The following CTNNA3 variants were observed in gnomAD, a reference collection of about 807,000 sequenced individuals.
The protein encoded by CTNNA3 is catenin alpha-3.
In CTNNA3, 76 loss-of-function variants were observed where a neutral mutation model predicts 95.7. That is an observed-to-expected ratio of 0.79 (90% CI 0.66 to 0.96). The LOEUF is 0.96. CTNNA3 is among the 40% of genes least tolerant of loss of function. The probability of loss-of-function intolerance (pLI) is 0.00; values close to 1 mark genes in which losing one functional copy is unlikely to be tolerated. For synonymous variants in CTNNA3, 431 were observed against 374.4 expected, an observed-to-expected ratio of 1.15 and a Z score of -1.74; for missense variants, 1,191 against 1,089.8, an observed-to-expected ratio of 1.09 and a Z score of -1.31.
At chr10:66,980,072 T>C (rs545627514) in intron 7 of CTNNA3, among the ~76,000 whole-genome samples, 5 of 152,258 alleles carry the variant, frequency 3.3e-5, no homozygotes, top group Non-Finnish European at 7.4e-5. Context: ...AGAATGTACC[T>C]AATAACTTGT....
intron 14 of CTNNA3, among the ~76,000 whole-genome samples, chr10:66,091,195 A>G (rs1380429889): frequency 6.6e-6 from 1 of 151,984 alleles, no homozygotes; most frequent in Non-Finnish European, 1.5e-5. Flanking sequence ...CTTGCTAGCC[A>G]GATGTCTACC....
intron 4 of CTNNA3, among the ~76,000 whole-genome samples, chr10:67,526,405 G>A (rs1003555225): frequency 5.4e-5 from 8 of 147,856 alleles, no homozygotes; most frequent in Admixed American, 6.8e-5. Context: ...AGAACATAGA[G>A]CAAAATTGGG....
chr10:66,549,949 A>G (rs765451471), intron 10 of CTNNA3, among the ~76,000 whole-genome samples: 1 of 152,184 alleles, frequency 6.6e-6, no homozygotes, highest in Non-Finnish European at 1.5e-5. Flanking sequence ...CCAGTTGCAT[A>G]TACTACTCTA....
At chr10:67,227,525 A>C (rs1299702459) in intron 5 of CTNNA3, among the ~76,000 whole-genome samples, 1 of 152,214 alleles carries the variant, frequency 6.6e-6, no homozygotes, top group Non-Finnish European at 1.5e-5. Flanking sequence ...CATATATGCA[A>C]CACTGGAGCT....
rs189965300 is a variant in CTNNA3 at position 65,940,418 on chromosome 10, A to G, written c.2401-19801T>C. The stretch of plus-strand genomic sequence containing the variant: ...CAACATAACAGAAAACAGGAAAAAC[A>G]TATCACTTTATTATGTGTTTTTTAT... On this transcript the variant is annotated intron_variant, in intron 17 of 17. Coordinates refer to ENST00000433211, the MANE Select transcript of CTNNA3 (RefSeq NM_013266.4). Among the ~76,000 whole-genome samples the G allele has an allele frequency of 2.7e-3, 416 of 152,308 alleles. 2 individuals carry two copies. The highest frequency in any genetic ancestry group is 9.7e-3 in the African/African-American group (405 of 41,582).
chr10:67,337,195 T>C (rs1391662230), intron 5 of CTNNA3, among the ~76,000 whole-genome samples: 4 of 152,072 alleles, frequency 2.6e-5, no homozygotes, highest in Non-Finnish European at 5.9e-5. Context: ...TCACGATTCA[T>C]GGGAGGAGGT....
chr10:67,371,021 T>C (rs1269172355), intron 5 of CTNNA3, among the ~76,000 whole-genome samples: 3 of 151,102 alleles, frequency 2.0e-5, no homozygotes, highest in Non-Finnish European at 4.4e-5. Flanking sequence ...CGCCCGCCGC[T>C]ACGCCCGGCT....
At chr10:66,661,053 A>G (rs981424312) in intron 9 of CTNNA3, among the ~76,000 whole-genome samples, 13 of 152,158 alleles carry the variant, frequency 8.5e-5, no homozygotes, top group African/African-American at 2.7e-4. Flanking sequence ...TACTGAATAA[A>G]TTATAGCTAT....
chr10:67,605,365 G>A (rs1026604721), intron 3 of CTNNA3, among the ~76,000 whole-genome samples: 14 of 152,248 alleles, frequency 9.2e-5, no homozygotes, highest in African/African-American at 3.4e-4. Flanking sequence ...CCAGGGGCTG[G>A]GGGCAGGAGT....
intron 13 of CTNNA3, among the ~76,000 whole-genome samples, chr10:66,160,937 C>T (rs1336581706): frequency 6.6e-6 from 1 of 152,070 alleles, no homozygotes; most frequent in East Asian, 1.9e-4. Flanking sequence ...TATAATGTCC[C>T]TCTTTGTCTC....
intron 5 of CTNNA3, among the ~76,000 whole-genome samples, chr10:67,476,128 G>C (rs993215155): frequency 6.6e-6 from 1 of 152,188 alleles, no homozygotes; most frequent in Non-Finnish European, 1.5e-5. Context: ...TTGAGGCTCA[G>C]GTGGCAACTT....
chr10:66,001,339 G>T (rs919182354), intron 15 of CTNNA3, among the ~76,000 whole-genome samples: 6 of 152,010 alleles, frequency 3.9e-5, no homozygotes, highest in Admixed American at 3.9e-4. Context: ...ATGCTACATG[G>T]GAGATTGCAC....
intron 7 of CTNNA3, among the ~76,000 whole-genome samples, chr10:66,815,638 G>A (rs1842047922): frequency 6.6e-6 from 1 of 151,936 alleles, no homozygotes; most frequent in Admixed American, 6.6e-5. Flanking sequence ...TGATTGAGGT[G>A]GTAAATAAGT....
At chr10:67,209,342 C>T (rs894163659) in intron 6 of CTNNA3, among the ~76,000 whole-genome samples, 5 of 152,060 alleles carry the variant, frequency 3.3e-5, no homozygotes, top group East Asian at 1.9e-4. Flanking sequence ...AGCCACCGCA[C>T]GGGCCTAATA....
At chr10:66,776,287 T>A (rs868389737) in intron 7 of CTNNA3, among the ~76,000 whole-genome samples, 1 of 152,206 alleles carries the variant, frequency 6.6e-6, no homozygotes, top group Non-Finnish European at 1.5e-5. Context: ...AAAATCATTA[T>A]GTGATTCACC....
chr10:67,482,375 C>G (rs1486399510), intron 5 of CTNNA3, among the ~76,000 whole-genome samples: 1 of 152,024 alleles, frequency 6.6e-6, no homozygotes, highest in Non-Finnish European at 1.5e-5. Flanking sequence ...TTCTTCCTAC[C>G]CATGAGCATG....
chr10:67,715,413 A>G (rs1036397495), intron 1 of CTNNA3, among the ~76,000 whole-genome samples: 4 of 152,180 alleles, frequency 2.6e-5, no homozygotes, highest in Non-Finnish European at 4.4e-5. Flanking sequence ...ACCAAATGAG[A>G]AGAACTGACC....
At chr10:67,461,133 A>G (rs185207451) in intron 5 of CTNNA3, among the ~76,000 whole-genome samples, 1 of 152,324 alleles carries the variant, frequency 6.6e-6, no homozygotes, top group East Asian at 1.9e-4. Flanking sequence ...TTCTCAAGCT[A>G]TGGTCTAGAA....
chr10:66,622,409 C>T (rs1422621972), intron 9 of CTNNA3, among the ~76,000 whole-genome samples: 1 of 152,124 alleles, frequency 6.6e-6, no homozygotes, highest in Non-Finnish European at 1.5e-5. Context: ...TTGAAATTTA[C>T]ATTTTCTTCC....
Sources: allele counts gnomAD v4.1 joint callset (sites outside exome capture counted in the v4.1 genomes callset), GRCh38; gene constraint gnomAD v4.1.1; transcripts MANE v1.5; gene names NCBI Gene and HGNC (gene_info 2026-07-23, HGNC 2026-07-21).